Variants in OPCML observed in about 807,000 individuals in gnomAD.
OPCML encodes opioid-binding protein/cell adhesion molecule.
A neutral mutation model predicts 37.8 loss-of-function variants in OPCML; 13 were observed. The ratio of observed to expected loss-of-function variants is 0.34; its 90% CI spans 0.22 to 0.55. The LOEUF (loss-of-function observed/expected upper bound fraction) is 0.55, where lower values mean the gene tolerates loss of function less well. OPCML is among the 20% of genes least tolerant of loss of function. The pLI, the probability that OPCML is intolerant of heterozygous loss-of-function variation, is 0.91. For missense variants in OPCML, 341 were observed against 435.6 expected (o/e 0.78, Z 1.93); for synonymous variants, 176 against 168.8 (o/e 1.04, Z -0.33).
chr11:132,614,441 A>G (rs1938861467), intron 3 of OPCML, among the ~76,000 whole-genome samples: 1 of 152,180 alleles, frequency 6.6e-6, no homozygotes. Flanking sequence ...GCTCCATAGC[A>G]GTGAGTGGCA....
intron 2 of OPCML, among the ~76,000 whole-genome samples, chr11:132,851,426 T>C (rs1941804598): frequency 6.6e-6 from 1 of 152,188 alleles, no homozygotes; most frequent in Admixed American, 6.5e-5. Context: ...GCTGCCATAC[T>C]AAGAGGCTCT....
At chr11:132,855,367 A>G (rs1942014313) in intron 2 of OPCML, among the ~76,000 whole-genome samples, 1 of 152,300 alleles carries the variant, frequency 6.6e-6, no homozygotes, top group African/African-American at 2.4e-5. Context: ...TAAAAGCCTT[A>G]GTCTCTGCAT....
intron 2 of OPCML, among the ~76,000 whole-genome samples, chr11:132,737,490 T>A (rs1295037898): frequency 6.6e-6 from 1 of 152,172 alleles, no homozygotes; most frequent in Non-Finnish European, 1.5e-5. Context: ...TAAGAAAAAT[T>A]TATAATTTCC....
intron 1 of OPCML, among the ~76,000 whole-genome samples, chr11:133,501,653 G>A (rs1425825956): frequency 6.6e-6 from 1 of 151,902 alleles, no homozygotes; most frequent in Non-Finnish European, 1.5e-5. Flanking sequence ...CATCCCCTCT[G>A]CCTGCAGGTT....
chr11:132,570,222 T>C (rs1428117013), intron 3 of OPCML, among the ~76,000 whole-genome samples: 1 of 152,222 alleles, frequency 6.6e-6, no homozygotes, highest in Non-Finnish European at 1.5e-5. Context: ...TTTACAATTG[T>C]TTCTGGCTAT....
chr11:132,765,889 A>C (rs2136109328), intron 2 of OPCML, among the ~76,000 whole-genome samples: 1 of 152,318 alleles, frequency 6.6e-6, no homozygotes, highest in South Asian at 2.1e-4. Context: ...AGGACTGGAA[A>C]GAGAAGGCAG....
At chr11:132,538,604 C>A (rs955251459) in intron 3 of OPCML, among the ~76,000 whole-genome samples, 1 of 152,116 alleles carries the variant, frequency 6.6e-6, no homozygotes, top group African/African-American at 2.4e-5. Context: ...TCAATCACGG[C>A]CAATCATCTC....
chr11:132,498,104 G>T (rs2096237109), intron 4 of OPCML, among the ~76,000 whole-genome samples: 1 of 152,026 alleles, frequency 6.6e-6, no homozygotes, highest in South Asian at 2.1e-4. Flanking sequence ...TTTAACTCTT[G>T]ACTGCAAAAT....
At chr11:132,525,073 A>G (rs1442420292) in intron 4 of OPCML, among the ~76,000 whole-genome samples, 2 of 152,070 alleles carry the variant, frequency 1.3e-5, no homozygotes, top group South Asian at 2.1e-4. Flanking sequence ...TCACTCTTCA[A>G]CCATTATCAT....
At chr11:133,521,977 G>A (rs1433732865) in intron 1 of OPCML, among the ~76,000 whole-genome samples, 1 of 152,168 alleles carries the variant, frequency 6.6e-6, no homozygotes, top group African/African-American at 2.4e-5. Flanking sequence ...CTGGCTTCCT[G>A]TTCTACATTT....
Position 132,421,812 on chromosome 11 carries a change from G to A in OPCML, c.917-1519C>T, listed in dbSNP as rs1443653470. Among the ~76,000 whole-genome samples, 4 of 152,294 alleles carry A rather than the reference G, an allele frequency of 2.6e-5. No homozygotes were observed. In the South Asian group the frequency reaches 6.2e-4, roughly 24 times the overall value. ...TAGCCTGACTGTGGGGCCTCCAGCA[G>A]TCCTGGCACACATCCTGAGAAATCA... On this transcript the variant is annotated intron_variant, in intron 7 of 7. Coordinates refer to ENST00000524381, the MANE Select transcript of OPCML (RefSeq NM_001012393.5).
intron 4 of OPCML, among the ~76,000 whole-genome samples, chr11:132,526,911 C>A (rs2096310027): frequency 6.6e-6 from 1 of 152,092 alleles, no homozygotes; most frequent in Non-Finnish European, 1.5e-5. Context: ...CCCTAGGTAA[C>A]CACTGACTTG....
At chr11:133,455,128 C>G (rs970279734) in intron 1 of OPCML, among the ~76,000 whole-genome samples, 31 of 152,078 alleles carry the variant, frequency 2.0e-4, no homozygotes, top group Non-Finnish European at 1.2e-4. Flanking sequence ...TTCACCAACC[C>G]GAAAATCACT....
At chr11:132,878,385 C>T (rs1943101231) in intron 2 of OPCML, among the ~76,000 whole-genome samples, 1 of 152,152 alleles carries the variant, frequency 6.6e-6, no homozygotes, top group Non-Finnish European at 1.5e-5. Flanking sequence ...GGATGGGCCT[C>T]ATCCTATCTT....
At chr11:133,507,402 C>G (rs1414914142) in intron 1 of OPCML, among the ~76,000 whole-genome samples, 8 of 152,166 alleles carry the variant, frequency 5.3e-5, no homozygotes, top group Admixed American at 5.2e-4. Context: ...CAGGCAGCAC[C>G]TCAGGGGGTC....
At chr11:132,806,620 A>G (rs960449657) in intron 2 of OPCML, among the ~76,000 whole-genome samples, 4 of 152,180 alleles carry the variant, frequency 2.6e-5, no homozygotes, top group African/African-American at 9.6e-5. Context: ...AAAACTGACA[A>G]AATTGACTGA....
rs1942972963 is a variant in OPCML, at chr11:133,308,146, G to T, written c.61+224118C>A. On this transcript the variant is annotated intron_variant, in intron 1 of 7. Coordinates refer to ENST00000524381, the MANE Select transcript of OPCML (RefSeq NM_001012393.5). ...ATAGAATCTGATCTTTATTTTAAGT[G>T]AATAAACCTGACTACCATGTGAAAA... is the stretch of plus-strand genomic sequence containing the variant. Among the ~76,000 whole-genome samples, 2 of 152,038 alleles carry T rather than the reference G, an allele frequency of 1.3e-5. 1 individual carries two copies. Among genetic ancestry groups the T allele is most frequent in the South Asian group, 4.2e-4 (2 of 4,816 alleles).
chr11:132,894,626 G>C (rs2725455), intron 2 of OPCML, among the ~76,000 whole-genome samples: 9,646 of 152,270 alleles, frequency 0.063, 455 homozygotes, highest in South Asian at 0.13. Flanking sequence ...ATGTGAGTCT[G>C]AGTAGACCAA....
At chr11:132,429,440 G>T (rs934676531) in intron 7 of OPCML, among the ~76,000 whole-genome samples, 1 of 152,184 alleles carries the variant, frequency 6.6e-6, no homozygotes, top group African/African-American at 2.4e-5. Flanking sequence ...AAGGCCATTT[G>T]GTGGGACTTG....
Sources: gnomAD v4.1 joint callset for allele counts (sites outside exome capture counted in the v4.1 genomes callset) on GRCh38, gnomAD v4.1.1 for gene constraint, MANE v1.5 for transcripts, NCBI Gene and HGNC (gene_info 2026-07-23, HGNC 2026-07-21) for gene names.